The following ANKRD28 variants were observed in gnomAD, a reference collection of about 807,000 sequenced individuals.
ANKRD28 encodes the protein ankyrin repeat domain 28, also known as serine/threonine-protein phosphatase 6 regulatory ankyrin repeat subunit A.
Under a neutral mutation model 126.5 loss-of-function variants are expected in ANKRD28, and 44 were observed. That is an observed-to-expected ratio of 0.35 (90% confidence interval 0.27 to 0.45). The LOEUF (loss-of-function observed/expected upper bound fraction) is 0.45, where lower values mean the gene tolerates loss of function less well. Ranked by LOEUF, ANKRD28 falls within the 20% of genes least tolerant of loss-of-function variation. The pLI is 1.00. For synonymous variants in ANKRD28, 442 were observed against 468.5 expected (o/e 0.94, Z 0.73); for missense variants, 1,110 against 1,316.6 (o/e 0.84, Z 2.43).
chr3:15,735,209 T>G (rs891054988), intron 6 of ANKRD28, among the ~76,000 whole-genome samples: 1 of 152,246 alleles, frequency 6.6e-6, no homozygotes, highest in East Asian at 1.9e-4. Flanking sequence ...GGAATTAATT[T>G]CAAACAGCTT....
intron 6 of ANKRD28, among the ~76,000 whole-genome samples, chr3:15,729,789 T>A (rs1187784142): frequency 6.6e-6 from 1 of 152,248 alleles, no homozygotes; most frequent in East Asian, 1.9e-4. Flanking sequence ...AAGTAGATAT[T>A]TACAGCCTCT....
chr3:15,801,657 T>TA (rs2060468471), upstream of ANKRD28, among the ~76,000 whole-genome samples: 2 of 151,944 alleles, frequency 1.3e-5, no homozygotes, highest in South Asian at 4.1e-4. The surrounding 1 kb of genome is among the most constrained non-coding windows in gnomAD (Gnocchi z 4.9). Flanking sequence ...GAAAATGAGG[T>TA]AGAGGGTGAG....
intron 2 of ANKRD28, among the ~76,000 whole-genome samples, chr3:15,777,645 A>C (rs2059342690): frequency 6.6e-6 from 1 of 152,226 alleles, no homozygotes; most frequent in Non-Finnish European, 1.5e-5. Context: ...AGTACAATTA[A>C]GCTAAACAGG....
intron 7 of ANKRD28, among the ~76,000 whole-genome samples, chr3:15,722,550 AT>A (rs1317956246): frequency 7.2e-5 from 11 of 152,332 alleles, no homozygotes; most frequent in South Asian, 2.1e-4. Flanking sequence ...TTTCTGGTGA[AT>A]TATCAAACCT....
chr3:15,813,291 G>A (rs1041700253), intron 1 of ANKRD28, among the ~76,000 whole-genome samples: 2 of 152,048 alleles, frequency 1.3e-5, no homozygotes, highest in African/African-American at 2.4e-5. Context: ...GCTTGAGCCC[G>A]GCAGGTTGAG....
Position 15,720,909 on chromosome 3 carries a change from C to G in ANKRD28, c.996+6G>C. ...AATACTTATAGATTCTGATTTTGTT[C>G]CTTACCTTCATATTGACATCGGCCC... On this transcript the variant is annotated splice_donor_region_variant and intron_variant, in intron 8 of 27. Coordinates refer to ENST00000683139, the MANE Select transcript of ANKRD28 (RefSeq NM_001349278.2). The G allele has an allele frequency of 6.2e-7, 1 of 1,611,184 alleles. No homozygotes were observed. The highest frequency in any genetic ancestry group is 2.2e-5 in the East Asian group (1 of 44,778).
At chr3:15,730,148 G>A (rs562304307) in intron 6 of ANKRD28, among the ~76,000 whole-genome samples, 123 of 152,270 alleles carry the variant, frequency 8.1e-4, no homozygotes, top group Non-Finnish European at 1.4e-3. Flanking sequence ...AAGTGACCAT[G>A]CCCAGCCCAT....
chr3:15,689,113 TA>T (rs918853221), intron 18 of ANKRD28, among the ~76,000 whole-genome samples: 1 of 152,212 alleles, frequency 6.6e-6, no homozygotes, highest in African/African-American at 2.4e-5. Context: ...TTTTACCACT[TA>T]AAGTCAAAAA....
At chr3:15,712,362 A>C in intron 10 of ANKRD28, 140 bp from the exon 11 acceptor site, 1 of 710,340 alleles carries the variant, frequency 1.4e-6, no homozygotes, top group South Asian at 1.9e-5. Context: ...AATTTGGTTA[A>C]AGTTTGATGG....
In ANKRD28 at chr3:15,797,253, C is replaced by T. The variant is rs546770277; in HGVS notation, c.-732G>A. 6.1e-6 allele frequency: 6 copies of T among 982,876 alleles called. No homozygotes were observed. Among genetic ancestry groups the T allele is most frequent in the African/African-American group, 5.3e-5 (3 of 56,452 alleles). The allele number at this position is 982,876 out of a possible 1,614,324, so 60.9% of individuals were successfully genotyped here. A position where few individuals can be genotyped will look rare whatever the true frequency, so the allele number is the denominator to read the frequency against. On this transcript the variant is annotated 5_prime_UTR_variant, in exon 1 of 28. Coordinates refer to ENST00000683139, the MANE Select transcript of ANKRD28 (RefSeq NM_001349278.2). Reference sequence around the variant, plus strand: ...CTGCATTAATAGCAAAGCTGCAGTACGTTTACATGTGATGAGTCAGACCAC... The same window carrying T: ...CTGCATTAATAGCAAAGCTGCAGTATGTTTACATGTGATGAGTCAGACCAC...
rs2060344112 is a variant in ANKRD28 at position 15,797,770 on chromosome 3, T to G, written c.-1249A>C. On this transcript the variant is annotated 5_prime_UTR_variant, in exon 1 of 28. Transcript: ENST00000683139. Reference sequence around the variant, plus strand: ...GTGAAAACCGCCACAGTTATCCTTTTCAGATTTCAAATGCTTTCCTGTTCC... The same window carrying G: ...GTGAAAACCGCCACAGTTATCCTTTGCAGATTTCAAATGCTTTCCTGTTCC... 2.0e-6 allele frequency: 2 copies of G among 985,320 alleles called. No homozygotes were observed. Among genetic ancestry groups the G allele is most frequent in the African/African-American group, 3.5e-5 (2 of 57,226 alleles). 61.0% of individuals were successfully genotyped at this position (985,320 alleles called of 1,614,324 possible).
intron 3 of ANKRD28, among the ~76,000 whole-genome samples, chr3:15,765,476 C>T (rs2058693079): frequency 1.3e-5 from 2 of 152,108 alleles, no homozygotes; most frequent in African/African-American, 4.8e-5. Context: ...CCACCGTTAC[C>T]TCCACCTAGG....
In ANKRD28 at chr3:15,854,789, G is replaced by A. The variant is rs1020690109; in HGVS notation, c.27+4588C>T. ...AGACACGCCAGGCATGGTGGCTCAC[G>A]CCTGTAATCCCAGCACTTTGGGAGG... On this transcript the variant is annotated intron_variant, in intron 1 of 27. Transcript: ENST00000399451. This position sits in a 1 kb window ranked among gnomAD's most constrained non-coding sequence, Gnocchi z 4.1. Among the ~76,000 whole-genome samples the A allele has an allele frequency of 8.5e-5, 13 of 152,092 alleles. 1 individual carries two copies. In the South Asian group the frequency reaches 1.7e-3, roughly 19 times the overall value.
chr3:15,744,377 G>A (rs918920751), intron 4 of ANKRD28, among the ~76,000 whole-genome samples: 13 of 151,422 alleles, frequency 8.6e-5, no homozygotes, highest in African/African-American at 3.2e-4. Flanking sequence ...GCAATGGCGC[G>A]ATCTTGGCTC....
chr3:15,695,146 T>G (rs191800621), intron 16 of ANKRD28, 42 bp downstream of exon 16: 1 of 1,482,548 alleles, frequency 6.7e-7, no homozygotes, highest in Admixed American at 1.7e-5. Flanking sequence ...AGGAGGGAAC[T>G]GACCAATACT....
chr3:15,734,012 C>G (rs1290076252), intron 6 of ANKRD28, among the ~76,000 whole-genome samples: 1 of 152,068 alleles, frequency 6.6e-6, no homozygotes, highest in East Asian at 1.9e-4. Flanking sequence ...TACAGTTGAC[C>G]CTGGAATAAC....
At chr3:15,682,861 A>G (rs2067687306) in intron 21 of ANKRD28, among the ~76,000 whole-genome samples, 1 of 152,236 alleles carries the variant, frequency 6.6e-6, no homozygotes, top group African/African-American at 2.4e-5. Flanking sequence ...AACACACATT[A>G]AATTCCTTCC....
At position 15,845,837 on chromosome 3, in the gene ANKRD28, G is replaced by A. The variant is rs1460502762; in HGVS notation, c.27+13540C>T. Among the ~76,000 whole-genome samples, 1 of 152,174 alleles carries A rather than the reference G, an allele frequency of 6.6e-6. No homozygotes were observed. The highest frequency in any genetic ancestry group is 1.5e-5 in the Non-Finnish European group (1 of 68,042). ...CACGTCTTAATATGGTGGAGCAGGAGGTAGGGGTATGTGCCACACACTTTA... is the reference window on the plus strand; with the variant it reads ...CACGTCTTAATATGGTGGAGCAGGAAGTAGGGGTATGTGCCACACACTTTA... On this transcript the variant is annotated intron_variant, in intron 1 of 27. Coordinates refer to the ANKRD28 transcript ENST00000399451. The surrounding 1 kb of genome is among the most constrained non-coding windows in gnomAD (Gnocchi z 4.9).
intron 2 of ANKRD28, among the ~76,000 whole-genome samples, chr3:15,788,865 G>C (rs1481476071): frequency 6.6e-6 from 1 of 151,966 alleles, no homozygotes; most frequent in South Asian, 2.1e-4. Context: ...AGTGGGGAAA[G>C]ACTGTGAAGA....
Sources: gnomAD v4.1 joint callset for allele counts (sites outside exome capture counted in the v4.1 genomes callset) on GRCh38, gnomAD v4.1.1 for gene constraint, Gnocchi (gnomAD v3.1) non-coding constraint, MANE v1.5 for transcripts, NCBI Gene and HGNC (gene_info 2026-07-23, HGNC 2026-07-21) for gene names.